The following ALDH16A1 variants were observed in gnomAD, a reference collection of about 807,000 sequenced individuals.
ALDH16A1 encodes aldehyde dehydrogenase 16 family member A1.
ALDH16A1 carries 88 observed loss-of-function variants against 96.1 expected under a neutral mutation model. That is an observed-to-expected ratio of 0.92 (90% CI 0.77 to 1.09). ALDH16A1 has a LOEUF of 1.09. ALDH16A1 is among the 50% of genes least tolerant of loss of function. The probability of loss-of-function intolerance (pLI) is 0.00; values close to 1 mark genes in which losing one functional copy is unlikely to be tolerated. For synonymous variants in ALDH16A1, 522 were observed against 496.4 expected, an observed-to-expected ratio of 1.05 and a Z score of -0.69; for missense variants, 1,250 against 1,112.6, an observed-to-expected ratio of 1.12 and a Z score of -1.76.
chr19:49,456,386 G>T lies in ALDH16A1; in HGVS notation c.91-2100G>T, dbSNP rs541025391. On this transcript the variant is annotated intron_variant, in intron 1 of 16. Transcript: ENST00000293350. Reference sequence around the variant, plus strand: ...CACTTAACATTAAGTCATTCTTTTTGTTTTTTGTTTGTTTGTTTGAGACAG... The same window carrying T: ...CACTTAACATTAAGTCATTCTTTTTTTTTTTTGTTTGTTTGTTTGAGACAG... Among the ~76,000 whole-genome samples the T allele has an allele frequency of 2.8e-3, 419 of 152,088 alleles. 1 individual carries two copies. The highest frequency in any genetic ancestry group is 9.8e-3 in the African/African-American group (408 of 41,476).
chr19:49,461,868 TGGG>T lies in ALDH16A1; in HGVS notation c.760-10_760-8del, dbSNP rs201635898. 1,106 of 1,590,884 alleles carry T rather than the reference TGGG, an allele frequency of 7.0e-4. 6 individuals carry two copies. The African/African-American group carries it at 0.013, about 19-fold the overall frequency. On this transcript the variant is annotated splice_polypyrimidine_tract_variant and intron_variant, in intron 6 of 16. Coordinates refer to ENST00000293350, the MANE Select transcript of ALDH16A1 (RefSeq NM_153329.4). ...CGCAAGGCTCCTCCTGCGGCTGAAC[TGGG>T]GGGGGTCCCTAGGAAGGGCGTGCCC...
intron 1 of ALDH16A1, among the ~76,000 whole-genome samples, chr19:49,454,659 C>A (rs1247809355): frequency 2.0e-5 from 3 of 152,206 alleles, no homozygotes; most frequent in South Asian, 2.1e-4. Context: ...GCTTAGGCTT[C>A]TTTGAGGGGG....
rs752812432 is a variant in ALDH16A1 at position 49,468,822 on chromosome 19, C to T, written c.2125-42C>T. 33 of 1,596,734 alleles carry T rather than the reference C, an allele frequency of 2.1e-5. 1 individual carries two copies. In the Admixed American group the frequency reaches 5.1e-4, roughly 25 times the overall value. ...CCCTGAATGCCCACTCCTTGCCCTG[C>T]CCCCACGGCCTCCCCAACCTTTCAC... On this transcript the variant is annotated intron_variant, in intron 15 of 16. Coordinates refer to ENST00000293350, the MANE Select transcript of ALDH16A1 (RefSeq NM_153329.4). This position sits in a 1 kb window ranked among gnomAD's most constrained non-coding sequence, Gnocchi z 4.4.
At position 49,458,359 on chromosome 19, in the gene ALDH16A1, TAGG is replaced by T. The variant is rs2079117348; in HGVS notation, c.91-122_91-120del. On this transcript the variant is annotated intron_variant, in intron 1 of 16. Coordinates refer to ENST00000293350, the MANE Select transcript of ALDH16A1 (RefSeq NM_153329.4). ...ACCACAAACTTTTTTTTTAAAGCAA[TAGG>T]AGGAAAAGAATTAGCTGATGGGGCA... The T allele has an allele frequency of 7.7e-5, 54 of 697,874 alleles. 1 individual carries two copies. The South Asian group carries it at 9.1e-4, about 12-fold the overall frequency. 43.2% of individuals were successfully genotyped at this position (697,874 alleles called of 1,614,324 possible).
intron 1 of ALDH16A1, 177 bp downstream of exon 1, chr19:49,453,598 GGTGGCAGCCTTTTA>G: frequency 1.7e-6 from 1 of 586,866 alleles, no homozygotes; most frequent in Non-Finnish European, 3.0e-6. Flanking sequence ...GAGCCTTGGC[GGTGGCAGCCTTTTA>G]GTCTGTTCCG....
Position 49,458,606 on chromosome 19 carries a change from G to C in ALDH16A1, c.193+18G>C, listed in dbSNP as rs1281948873. 1 of 1,550,924 alleles carries C rather than the reference G, an allele frequency of 6.4e-7. No homozygotes were observed. The highest frequency in any genetic ancestry group is 2.0e-5 in the Admixed American group (1 of 51,194). On this transcript the variant is annotated intron_variant, in intron 2 of 16. Transcript: ENST00000293350. The stretch of plus-strand genomic sequence containing the variant: ...CATCACAGGTACGAGATGTCCCCCA[G>C]TCATTAGTGGAAGGGAGGTATCTGT...
intron 1 of ALDH16A1, among the ~76,000 whole-genome samples, chr19:49,456,792 C>G (rs1198000330): frequency 6.6e-6 from 1 of 152,136 alleles, no homozygotes; most frequent in Admixed American, 6.6e-5. Context: ...TTTGGAACTT[C>G]TAAGTAACTT....
In ALDH16A1 at chr19:49,459,208, C is replaced by T. The variant is rs2079123392; in HGVS notation, c.320+122C>T. 2 of 1,449,942 alleles carry T rather than the reference C, an allele frequency of 1.4e-6. No homozygotes were observed. The highest frequency in any genetic ancestry group is 1.8e-6 in the Non-Finnish European group (2 of 1,085,466). The allele number at this position is 1,449,942 out of a possible 1,614,324, so 89.8% of individuals were successfully genotyped here. ...TAATTTGCAGCTAAGGCTCAGATTC[C>T]CAGTATGTGCTGGAGGCAGTCGTGG... On this transcript the variant is annotated intron_variant, in intron 3 of 16. Coordinates refer to ENST00000293350, the MANE Select transcript of ALDH16A1 (RefSeq NM_153329.4). This position sits in a 1 kb window ranked among gnomAD's most constrained non-coding sequence, Gnocchi z 4.1.
chr19:49,465,936 C>A, intron 13 of ALDH16A1, 31 bp downstream of exon 13: 1 of 1,602,622 alleles, frequency 6.2e-7, no homozygotes. Flanking sequence ...GCCCAAGGGT[C>A]ATGGTGTGGC....
Position 49,468,468 on chromosome 19 carries a change from GC to G in ALDH16A1, c.2028del (p.Phe677SerfsTer46). The G allele has an allele frequency of 6.2e-7, 1 of 1,602,522 alleles. No homozygotes were observed. The highest frequency in any genetic ancestry group is 8.5e-7 in the Non-Finnish European group (1 of 1,179,892). On this transcript the variant is annotated frameshift_variant, in exon 15 of 17. Transcript: ENST00000293350. LOFTEE classifies it high-confidence loss of function. The surrounding 1 kb of genome is among the most constrained non-coding windows in gnomAD (Gnocchi z 4.4). ...VVCPDEWPLL[A>X]FVSLLAPALA... is the part of the protein sequence containing the mutation. ...GTGTCCGGACGAGTGGCCCCTGCTT[GC>G]CTTCGTGTCCCTGCTGGCTCCCGCC...
In ALDH16A1 at chr19:49,466,281, C is replaced by A. The variant is rs2079198325; in HGVS notation, c.1936C>A (p.Gln646Lys). The A allele has an allele frequency of 5.5e-6, 8 of 1,449,250 alleles. No individual in the cohort carries two copies. The South Asian group carries it at 1.0e-4, about 18-fold the overall frequency. 89.8% of individuals were successfully genotyped at this position (1,449,250 alleles called of 1,614,324 possible). The change falls in exon 14 of 17, where the codon CAG (glutamine) becomes AAG (lysine). Residue 646 changes from glutamine (Q) to lysine (K), a missense_variant and splice_region_variant. Physicochemically the swap from Gln to Lys is moderately conservative, Grantham distance 53. Coordinates refer to ENST00000293350, the MANE Select transcript of ALDH16A1 (RefSeq NM_153329.4). ...ARVQAQGHTL[Q>K]VAGLRGPVLR... Reference sequence around the variant, plus strand: ...GGTGCAGGCCCAAGGCCACACCCTGCAGGTGAAGGGTCTGTGGGCACCTGG... The same window carrying A: ...GGTGCAGGCCCAAGGCCACACCCTGAAGGTGAAGGGTCTGTGGGCACCTGG...
intron 1 of ALDH16A1, 21 bp downstream of exon 1, chr19:49,453,442 C>T (rs936512634): frequency 3.3e-6 from 5 of 1,510,964 alleles, no homozygotes; most frequent in Non-Finnish European, 4.4e-6. Context: ...GCCCGGCCGG[C>T]GCTGCTCGCT....
Position 49,461,743 on chromosome 19 carries a change from G to T in ALDH16A1, c.702G>T (p.Val234=). 6.2e-7 allele frequency: 1 copy of T among 1,610,086 alleles called. No individual in the cohort carries two copies. Among genetic ancestry groups the T allele is most frequent in the Non-Finnish European group, 8.5e-7 (1 of 1,178,264 alleles). The change falls in exon 6 of 17, where the codon GTG becomes GTT. Residue 234 remains valine, a synonymous_variant. Transcript: ENST00000293350. ...TCCTCAGTGGCCCTGCGTCCCTGGTGCCCATCCTGGCCTCCCAGCCTGGAA... is the reference window on the plus strand; with the variant it reads ...TCCTCAGTGGCCCTGCGTCCCTGGTTCCCATCCTGGCCTCCCAGCCTGGAA... ...LNVLSGPASL[V]PILASQPGIR...
rs565170383 is a variant in ALDH16A1, at chr19:49,467,686, A to G, written c.1939-695A>G. ...TGGGATTACAGGTGTGAGCCACTAC[A>G]CCCGGCCTTCTTTTTTTTAAATTTT... On this transcript the variant is annotated intron_variant, in intron 14 of 16. Transcript: ENST00000293350. Among the ~76,000 whole-genome samples, 7 of 150,884 alleles carry G rather than the reference A, an allele frequency of 4.6e-5. No individual in the cohort carries two copies. The South Asian group carries it at 6.3e-4, about 14-fold the overall frequency.
At position 49,470,584 on chromosome 19, in the gene ALDH16A1, A is replaced by G. The variant is rs961572632; in HGVS notation, c.*117A>G. Reference sequence around the variant, plus strand: ...TGTCTCCCAATAAACTCTCTGACCAACCCTAGCTGTGCTTCTGCGAGAAGA... The same window carrying G: ...TGTCTCCCAATAAACTCTCTGACCAGCCCTAGCTGTGCTTCTGCGAGAAGA... On this transcript the variant is annotated 3_prime_UTR_variant, in exon 17 of 17. Coordinates refer to ENST00000293350, the MANE Select transcript of ALDH16A1 (RefSeq NM_153329.4). 145 of 1,153,906 alleles carry G rather than the reference A, an allele frequency of 1.3e-4. No homozygotes were observed. Among genetic ancestry groups the G allele is most frequent in the Non-Finnish European group, 9.0e-5 (79 of 879,504 alleles). The allele number at this position is 1,153,906 out of a possible 1,614,324, so 71.5% of individuals were successfully genotyped here.
At chr19:49,463,711 G>C in intron 8 of ALDH16A1, 143 bp from the exon 9 acceptor site, 3 of 629,122 alleles carry the variant, frequency 4.8e-6, no homozygotes, top group Non-Finnish European at 8.4e-6. Context: ...GGAGAGGCTG[G>C]GGGTCCAGAC....
intron 16 of ALDH16A1, chr19:49,469,223 TG>T (rs1255520604): frequency 4.4e-6 from 2 of 449,780 alleles, no homozygotes; most frequent in Non-Finnish European, 7.8e-6. Context: ...GACAGCCCGT[TG>T]CTAAGGACCA....
intron 5 of ALDH16A1, among the ~76,000 whole-genome samples, chr19:49,461,186 T>TGAGGGAGGAGGGGCTGGGGCCC (rs2079139989): frequency 1.2e-5 from 1 of 82,902 alleles, no homozygotes; most frequent in African/African-American, 6.6e-5. Context: ...GGCTGGGGTC[T>TGAGGGAGGAGGGGCTGGGGCCC]GGATTCCTGG....
chr19:49,462,613 C>T lies in ALDH16A1; in HGVS notation c.956C>T (p.Ala319Val), dbSNP rs145242308. ...ATCCAGGAGTCTGTGTGGGATGAAG[C>T]CATGAGACGGCTGCAGGAGCGGATG... ...LLIQESVWDE[A>V]MRRLQERMGR... The change falls in exon 8 of 17, where the codon GCC becomes GTC. Residue 319 changes from alanine to valine, a missense_variant. By Grantham distance (64) the Ala-to-Val change is moderately conservative. Transcript: ENST00000293350. 6.6e-4 allele frequency: 1,061 copies of T among 1,613,012 alleles called. 2 individuals are homozygous for T. Among genetic ancestry groups the T allele is most frequent in the Non-Finnish European group, 8.7e-4 (1,024 of 1,179,980 alleles).
Sources: gnomAD v4.1 joint callset for allele counts (sites outside exome capture counted in the v4.1 genomes callset) on GRCh38, gnomAD v4.1.1 for gene constraint, Gnocchi (gnomAD v3.1) non-coding constraint, MANE v1.5 for transcripts, NCBI Gene and HGNC (gene_info 2026-07-23, HGNC 2026-07-21) for gene names.